The following VEPH1 variants were observed in gnomAD, a reference collection of about 807,000 sequenced individuals.
The protein encoded by VEPH1 is ventricular zone-expressed PH domain-containing protein homolog 1.
VEPH1 carries 80 observed loss-of-function variants against 85.2 expected under a neutral mutation model. That is an observed-to-expected ratio of 0.94 (90% CI 0.78 to 1.13). The LOEUF is 1.13. Among genes scored for constraint, VEPH1 ranks in the 50% most tolerant of loss-of-function variants. The pLI is 0.00. For missense variants in VEPH1, 955 were observed against 980.5 expected (o/e 0.97, Z 0.35); for synonymous variants, 297 against 348.0 (o/e 0.85, Z 1.63).
At chr3:157,419,009 A>G (rs1027316207) in intron 5 of VEPH1, among the ~76,000 whole-genome samples, 1 of 152,034 alleles carries the variant, frequency 6.6e-6, no homozygotes, top group African/African-American at 2.4e-5. Flanking sequence ...CAGAATAGAG[A>G]TCTCAGAAAT....
In VEPH1 at chr3:157,443,900, T is replaced by G. The variant is rs575320545; in HGVS notation, c.530-15412A>C. 3.3e-5 allele frequency among the ~76,000 whole-genome samples: 5 copies of G among 152,340 alleles called. 1 individual carries two copies. The South Asian group carries it at 1.0e-3, about 32-fold the overall frequency. On this transcript the variant is annotated intron_variant, in intron 4 of 13. Coordinates refer to ENST00000362010, the MANE Select transcript of VEPH1 (RefSeq NM_001167912.2). ...ACAATTCTAGGAGCTTATACAACTT[T>G]CTGTACTGTGTAACATAAAAACAAA...
In VEPH1 at chr3:157,460,369, A is replaced by T. The variant is rs1685653566; in HGVS notation, c.355-14T>A. 4 of 1,598,480 alleles carry T rather than the reference A, an allele frequency of 2.5e-6. No individual in the cohort carries two copies. Among genetic ancestry groups the T allele is most frequent in the Non-Finnish European group, 3.4e-6 (4 of 1,172,306 alleles). On this transcript the variant is annotated splice_polypyrimidine_tract_variant and intron_variant, in intron 3 of 13. Coordinates refer to ENST00000362010, the MANE Select transcript of VEPH1 (RefSeq NM_001167912.2). The stretch of plus-strand genomic sequence containing the variant: ...TCGGTTGTAATTCTGAGGAAATATA[A>T]GAAAGCCACAAATAATAAGTGACTC...
intron 4 of VEPH1, among the ~76,000 whole-genome samples, chr3:157,430,421 T>C (rs1041156889): frequency 1.3e-5 from 2 of 152,238 alleles, no homozygotes; most frequent in African/African-American, 2.4e-5. Flanking sequence ...CTCACAGCCA[T>C]GTGTTATTCC....
At chr3:157,270,694 C>T (rs543258795) in intron 12 of VEPH1, among the ~76,000 whole-genome samples, 10 of 151,888 alleles carry the variant, frequency 6.6e-5, no homozygotes, top group African/African-American at 2.2e-4. Flanking sequence ...AATCATCCAC[C>T]CACCCCGTAT....
chr3:157,436,796 T>C (rs952939525), intron 4 of VEPH1: 2 of 775,576 alleles, frequency 2.6e-6, no homozygotes, highest in Non-Finnish European at 3.6e-6. Flanking sequence ...TACTCATTCA[T>C]CCCCATTCAG....
At chr3:157,439,390 C>T (rs1370611249) in intron 4 of VEPH1, among the ~76,000 whole-genome samples, 1 of 152,236 alleles carries the variant, frequency 6.6e-6, no homozygotes, top group Non-Finnish European at 1.5e-5. Flanking sequence ...TGGTCTCCAG[C>T]CAGCTTGGCT....
intron 9 of VEPH1, among the ~76,000 whole-genome samples, chr3:157,329,627 T>G (rs565232745): frequency 2.6e-5 from 4 of 152,154 alleles, no homozygotes; most frequent in Non-Finnish European, 5.9e-5. Flanking sequence ...TTGCCTTTTT[T>G]TTTTTACTAT....
chr3:157,441,889 A>G (rs186190175), intron 4 of VEPH1, among the ~76,000 whole-genome samples: 1 of 152,304 alleles, frequency 6.6e-6, no homozygotes, highest in East Asian at 1.9e-4. Flanking sequence ...TAAAGGCTAA[A>G]TGGAGCGAAC....
intron 5 of VEPH1, among the ~76,000 whole-genome samples, chr3:157,416,835 TAAAG>T (rs1038731649): frequency 4.2e-5 from 5 of 120,444 alleles, no homozygotes; most frequent in African/African-American, 6.2e-5. Context: ...AAGAAAGAAA[TAAAG>T]AAAGAAAAGA....
chr3:157,459,508 G>A, intron 4 of VEPH1: 2 of 732,190 alleles, frequency 2.7e-6, no homozygotes, highest in South Asian at 8.4e-5. Context: ...TGAGAAATGG[G>A]GACATTTGGA....
At position 157,313,766 on chromosome 3, in the gene VEPH1, A is replaced by G. The variant is rs1720405957; in HGVS notation, c.1876-11T>C. ...TTCAGGAAACAGGCTCTGAAAGGGC[A>G]TTAAAGACAGAAACAGAATATACTA... On this transcript the variant is annotated splice_polypyrimidine_tract_variant and intron_variant, in intron 10 of 13. Transcript: ENST00000362010. 3.7e-6 allele frequency: 6 copies of G among 1,614,072 alleles called. No individual in the cohort carries two copies. Among genetic ancestry groups the G allele is most frequent in the South Asian group, 1.1e-5 (1 of 91,080 alleles).
intron 7 of VEPH1, among the ~76,000 whole-genome samples, chr3:157,372,380 A>C (rs2108817679): frequency 6.6e-6 from 1 of 152,358 alleles, no homozygotes; most frequent in East Asian, 1.9e-4. Context: ...TAGTCTACCT[A>C]GAATTCAGCC....
At position 157,368,093 on chromosome 3, in the gene VEPH1, G is replaced by T. The variant is rs534771853; in HGVS notation, c.1128-3581C>A. The stretch of plus-strand genomic sequence containing the variant: ...CATCTATAAAATGCAGATAATAACT[G>T]TACTTAACTCACGGGGTTGGTAGAA... On this transcript the variant is annotated intron_variant, in intron 7 of 13. Transcript: ENST00000362010. Among the ~76,000 whole-genome samples the T allele has an allele frequency of 2.6e-5, 4 of 152,276 alleles. 1 individual carries two copies. Among genetic ancestry groups the T allele is most frequent in the African/African-American group, 9.6e-5 (4 of 41,546 alleles).
intron 6 of VEPH1, among the ~76,000 whole-genome samples, chr3:157,412,954 T>A (rs558399965): frequency 6.6e-6 from 1 of 152,306 alleles, no homozygotes; most frequent in Admixed American, 6.5e-5. Flanking sequence ...GGTTACTCAC[T>A]CAATCTGAGT....
At chr3:157,302,840 A>C (rs1718971588) in intron 11 of VEPH1, among the ~76,000 whole-genome samples, 1 of 152,138 alleles carries the variant, frequency 6.6e-6, no homozygotes, top group Admixed American at 6.5e-5. Flanking sequence ...CCCTTTGTTC[A>C]CTGGCTCCAC....
intron 4 of VEPH1, 37 bp downstream of exon 4, chr3:157,460,144 C>T (rs1370362153): frequency 6.2e-7 from 1 of 1,614,128 alleles, no homozygotes; most frequent in Non-Finnish European, 8.5e-7. Context: ...TAAATATCTC[C>T]CAAAACATGT....
intron 3 of VEPH1, among the ~76,000 whole-genome samples, chr3:157,461,146 C>T (rs1237375437): frequency 6.6e-6 from 1 of 152,128 alleles, no homozygotes; most frequent in Non-Finnish European, 1.5e-5. Flanking sequence ...TAATTCTCTT[C>T]TTGATTTACT....
At chr3:157,272,375 T>TTTTCTTTTCTTTCTTTC (rs1714758573) in intron 12 of VEPH1, among the ~76,000 whole-genome samples, 1 of 94,970 alleles carries the variant, frequency 1.1e-5, no homozygotes, top group Non-Finnish European at 2.2e-5. Flanking sequence ...TTTCTCTTTC[T>TTTTCTTTTCTTTCTTTC]TTTCTTTCTT....
chr3:157,409,620 C>A (rs908204024), intron 6 of VEPH1: 3 of 985,160 alleles, frequency 3.0e-6, no homozygotes, highest in Admixed American at 6.2e-5. Flanking sequence ...CTCTTCTCTG[C>A]CGAATGTAAT....
Sources: allele counts gnomAD v4.1 joint callset (sites outside exome capture counted in the v4.1 genomes callset), GRCh38; gene constraint gnomAD v4.1.1; transcripts MANE v1.5; gene names NCBI Gene and HGNC (gene_info 2026-07-23, HGNC 2026-07-21).